CREB3L1: variants seen among roughly 807,000 people sequenced by gnomAD.
CREB3L1 encodes the protein cyclic AMP-responsive element-binding protein 3-like protein 1.
In CREB3L1, 33 loss-of-function variants were observed where a neutral mutation model predicts 54.5. The observed-to-expected ratio is 0.61, with a 90% CI of 0.46 to 0.81. The LOEUF is 0.81. Among genes scored for constraint, CREB3L1 ranks in the 30% least tolerant of loss-of-function variants. The pLI is 0.00. For missense variants in CREB3L1, 656 were observed against 673.3 expected, an observed-to-expected ratio of 0.97 and a Z score of 0.29; for synonymous variants, 284 against 286.4, an observed-to-expected ratio of 0.99 and a Z score of 0.08.
chr11:46,318,889 A>G (rs1206273868), intron 10 of CREB3L1, among the ~76,000 whole-genome samples: 1 of 151,872 alleles, frequency 6.6e-6, no homozygotes, highest in Non-Finnish European at 1.5e-5. Flanking sequence ...TGGTGTGGGG[A>G]GGGTTAGGGA....
chr11:46,315,684 T>G, intron 8 of CREB3L1: 2 of 172,842 alleles, frequency 1.2e-5, no homozygotes, highest in African/African-American at 2.4e-5. Context: ...TTAGCCGGCA[T>G]GGTGGCGCAC....
At chr11:46,281,300 G>C (rs958752466) in intron 1 of CREB3L1, among the ~76,000 whole-genome samples, 3 of 152,170 alleles carry the variant, frequency 2.0e-5, no homozygotes, top group Non-Finnish European at 4.4e-5. Context: ...GAGGGTCTGG[G>C]CTCCAAGAAC....
chr11:46,301,646 G>C lies in CREB3L1; in HGVS notation c.331+1483G>C, dbSNP rs920175789. On this transcript the variant is annotated intron_variant, in intron 2 of 11. Coordinates refer to ENST00000621158, the MANE Select transcript of CREB3L1 (RefSeq NM_052854.4). ...CCATTGCAATCCAGCCTGGGCAACA[G>C]AGTGAGACTCCGTCCCAAAAAAAAA... Among the ~76,000 whole-genome samples the C allele has an allele frequency of 2.3e-4, 34 of 150,108 alleles. 1 individual carries two copies. The East Asian group carries it at 4.7e-3, about 21-fold the overall frequency.
At chr11:46,313,891 G>A (rs1425450825) in intron 8 of CREB3L1, among the ~76,000 whole-genome samples, 2 of 152,282 alleles carry the variant, frequency 1.3e-5, no homozygotes, top group East Asian at 1.9e-4. Flanking sequence ...TGGAGAAATC[G>A]TTAAATATCT....
chr11:46,310,910 C>A, intron 4 of CREB3L1, 122 bp from the exon 5 acceptor site: 1 of 1,403,690 alleles, frequency 7.1e-7, no homozygotes, highest in East Asian at 2.6e-5. Context: ...TGAGACCAAG[C>A]GCCTGGCAGT....
At chr11:46,294,673 G>C (rs1328343434) in intron 1 of CREB3L1, among the ~76,000 whole-genome samples, 2 of 151,972 alleles carry the variant, frequency 1.3e-5, no homozygotes, top group African/African-American at 4.8e-5. Context: ...GGACAGGGGG[G>C]TCTGCTGACA....
intron 1 of CREB3L1, among the ~76,000 whole-genome samples, chr11:46,286,982 G>A (rs1035491211): frequency 3.0e-4 from 46 of 152,222 alleles, no homozygotes; most frequent in African/African-American, 9.4e-4. Context: ...TCCCAGGTGC[G>A]TACTCCCAGG....
chr11:46,301,064 C>T (rs1939294310), intron 2 of CREB3L1, among the ~76,000 whole-genome samples: 2 of 150,394 alleles, frequency 1.3e-5, no homozygotes, highest in Admixed American at 1.3e-4. Flanking sequence ...CCTGTAATCC[C>T]AGCTACTCGG....
intron 1 of CREB3L1, among the ~76,000 whole-genome samples, chr11:46,293,933 G>A (rs1013494296): frequency 6.6e-6 from 1 of 152,192 alleles, no homozygotes; most frequent in East Asian, 1.9e-4. Flanking sequence ...TGTTGAGTTT[G>A]TGTTCATACC....
At chr11:46,289,212 T>C (rs1939099725) in intron 1 of CREB3L1, among the ~76,000 whole-genome samples, 1 of 152,042 alleles carries the variant, frequency 6.6e-6, no homozygotes, top group Non-Finnish European at 1.5e-5. Flanking sequence ...ACCCCGTCTC[T>C]ACCAAAAAAT....
In CREB3L1 at chr11:46,295,936, G is replaced by A. The variant is rs1263759394; in HGVS notation, c.103-3999G>A. On this transcript the variant is annotated intron_variant, in intron 1 of 11. Coordinates refer to ENST00000621158, the MANE Select transcript of CREB3L1 (RefSeq NM_052854.4). This position sits in a 1 kb window ranked among gnomAD's most constrained non-coding sequence, Gnocchi z 4.6. Reference sequence around the variant, plus strand: ...GGCGCCGGCTGCGCGTGACAGCCGAGAAGGAGCTTATATTGGCACGACTAT... The same window carrying A: ...GGCGCCGGCTGCGCGTGACAGCCGAAAAGGAGCTTATATTGGCACGACTAT... Among the ~76,000 whole-genome samples, 1 of 152,252 alleles carries A rather than the reference G, an allele frequency of 6.6e-6. No homozygotes were observed. Among genetic ancestry groups the A allele is most frequent in the African/African-American group, 2.4e-5 (1 of 41,468 alleles).
chr11:46,313,395 T>A (rs1188800997), intron 8 of CREB3L1, among the ~76,000 whole-genome samples: 1 of 152,114 alleles, frequency 6.6e-6, no homozygotes, highest in African/African-American at 2.4e-5. Flanking sequence ...AGGAGCTTGT[T>A]AGAAATGCAG....
At chr11:46,282,227 C>T (rs2136333794) in intron 1 of CREB3L1, among the ~76,000 whole-genome samples, 1 of 152,240 alleles carries the variant, frequency 6.6e-6, no homozygotes, top group African/African-American at 2.4e-5. Flanking sequence ...TCCTTAAGCC[C>T]ATCTATTTGC....
chr11:46,315,700 T>TG (rs1697697907), intron 8 of CREB3L1: 1 of 174,404 alleles, frequency 5.7e-6, no homozygotes, highest in South Asian at 2.0e-4. Flanking sequence ...CGCACGCCTG[T>TG]AGTCTCAGCT....
chr11:46,305,648 GTGTGTATATA>G (rs1939377135), intron 2 of CREB3L1, among the ~76,000 whole-genome samples: 6 of 129,970 alleles, frequency 4.6e-5, no homozygotes, highest in Non-Finnish European at 6.5e-5. Context: ...ACATATATAT[GTGTGTATATA>G]TGTGTGTATA....
chr11:46,304,172 A>C (rs1939341630), intron 2 of CREB3L1, among the ~76,000 whole-genome samples: 1 of 152,020 alleles, frequency 6.6e-6, no homozygotes, highest in African/African-American at 2.4e-5. Flanking sequence ...AGTTGTTGGG[A>C]GGAGTAAAGA....
chr11:46,280,154 G>A lies in CREB3L1; in HGVS notation c.102+1941G>A, dbSNP rs1011567003. ...CCAGCCAGCGGGACAATTCAGAAAA[G>A]TGACTTTTCTTTTCTTGTTTTTTTT... On this transcript the variant is annotated intron_variant, in intron 1 of 11. Transcript: ENST00000621158. Among the ~76,000 whole-genome samples, 4 of 151,752 alleles carry A rather than the reference G, an allele frequency of 2.6e-5. No homozygotes were observed. The East Asian group carries it at 5.8e-4, about 22-fold the overall frequency.
intron 1 of CREB3L1, among the ~76,000 whole-genome samples, chr11:46,287,975 C>CA (rs879842728): frequency 1.6e-3 from 232 of 142,386 alleles, no homozygotes; most frequent in South Asian, 3.8e-3. Context: ...GATTCTGTCT[C>CA]AAAAAAAAAA....
intron 1 of CREB3L1, among the ~76,000 whole-genome samples, chr11:46,282,395 G>T (rs997731859): frequency 6.6e-6 from 1 of 152,206 alleles, no homozygotes; most frequent in Non-Finnish European, 1.5e-5. Context: ...ACCCACAGGG[G>T]ATTTGAACTT....
Sources: gnomAD v4.1 joint callset for allele counts (sites outside exome capture counted in the v4.1 genomes callset) on GRCh38, gnomAD v4.1.1 for gene constraint, Gnocchi (gnomAD v3.1) non-coding constraint, MANE v1.5 for transcripts, NCBI Gene and HGNC (gene_info 2026-07-23, HGNC 2026-07-21) for gene names.